Variants in CRYZL1 observed in about 807,000 individuals in gnomAD.
The protein encoded by CRYZL1 is crystallin zeta like 1.
A neutral mutation model predicts 50.6 loss-of-function variants in CRYZL1; 34 were observed. The observed-to-expected ratio is 0.67, with a 90% CI of 0.51 to 0.89. CRYZL1 has a LOEUF of 0.89. CRYZL1 is among the 40% of genes least tolerant of loss of function. The pLI is 0.00. For synonymous variants in CRYZL1, 125 were observed against 134.3 expected (o/e 0.93, Z 0.48); for missense variants, 354 against 402.3 (o/e 0.88, Z 1.03).
At chr21:33,601,609 T>A (rs1174355301) in intron 8 of CRYZL1, among the ~76,000 whole-genome samples, 1 of 152,110 alleles carries the variant, frequency 6.6e-6, no homozygotes, top group African/African-American at 2.4e-5. Flanking sequence ...ATAATTAAAA[T>A]TAAAACTATC....
rs901265958 is a variant in CRYZL1, at chr21:33,606,568, G to A, written c.332-3031C>T. 2.0e-5 allele frequency among the ~76,000 whole-genome samples: 3 copies of A among 151,952 alleles called. No individual in the cohort carries two copies. In the South Asian group the frequency reaches 6.2e-4, roughly 31 times the overall value. On this transcript the variant is annotated intron_variant, in intron 6 of 12. Coordinates refer to ENST00000381554, the MANE Select transcript of CRYZL1 (RefSeq NM_145858.3). ...TTGAACCCAGGAGATGGAGGTTGCG[G>A]TGAGCTGAGATCGCGCCATTGCACT...
chr21:33,629,631 G>A (rs186693950), intron 2 of CRYZL1, among the ~76,000 whole-genome samples: 47 of 152,312 alleles, frequency 3.1e-4, no homozygotes, highest in Admixed American at 1.8e-3. Context: ...CTGGTTTTTG[G>A]TGGAGTCTGT....
chr21:33,640,273 T>C, intron 1 of CRYZL1: 1 of 1,527,074 alleles, frequency 6.5e-7, no homozygotes, highest in Non-Finnish European at 8.8e-7. Flanking sequence ...TACCTCACTT[T>C]CAAATCTAAA....
At chr21:33,636,963 C>A (rs1288008747) in intron 1 of CRYZL1, among the ~76,000 whole-genome samples, 2 of 152,136 alleles carry the variant, frequency 1.3e-5, no homozygotes, top group Non-Finnish European at 2.9e-5. Context: ...CCCGCCACTG[C>A]GCCCGGCTAA....
intron 11 of CRYZL1, 109 bp downstream of exon 11, chr21:33,595,622 A>G (rs748618460): frequency 1.3e-6 from 2 of 1,514,164 alleles, no homozygotes; most frequent in African/African-American, 2.8e-5. Flanking sequence ...ACTGTTTGGA[A>G]TACTTAAGGA....
intron 9 of CRYZL1, among the ~76,000 whole-genome samples, chr21:33,598,709 C>T (rs952803691): frequency 6.6e-6 from 1 of 152,080 alleles, no homozygotes; most frequent in East Asian, 1.9e-4. Context: ...CTAATGTCTA[C>T]ACCAAGCTTG....
At chr21:33,601,139 G>A (rs1434129833) in intron 8 of CRYZL1, among the ~76,000 whole-genome samples, 1 of 147,512 alleles carries the variant, frequency 6.8e-6, no homozygotes, top group African/African-American at 2.5e-5. Flanking sequence ...GTTTCATCAC[G>A]TTGGCCAGGC....
intron 1 of CRYZL1, among the ~76,000 whole-genome samples, chr21:33,632,178 A>AG (rs2087145762): frequency 6.6e-6 from 1 of 150,800 alleles, no homozygotes; most frequent in East Asian, 2.0e-4. Context: ...AAAAAAAAAA[A>AG]AAAATTAGCC....
chr21:33,603,325 G>A, intron 7 of CRYZL1, 79 bp downstream of exon 7: 1 of 1,529,512 alleles, frequency 6.5e-7, no homozygotes, highest in Admixed American at 1.8e-5. Flanking sequence ...AATTATATTA[G>A]CAAATGGATG....
chr21:33,619,451 G>A (rs1164108145), intron 4 of CRYZL1, among the ~76,000 whole-genome samples: 1 of 152,228 alleles, frequency 6.6e-6, no homozygotes, highest in African/African-American at 2.4e-5. Flanking sequence ...TCTGGCCCTT[G>A]CCTATCCTCC....
At chr21:33,604,250 A>G (rs2086787663) in intron 6 of CRYZL1, among the ~76,000 whole-genome samples, 1 of 149,592 alleles carries the variant, frequency 6.7e-6, no homozygotes, top group South Asian at 2.1e-4. Context: ...AGCTACTCGG[A>G]GAGGCTGAGG....
At chr21:33,594,924 T>G (rs1355568626) in intron 11 of CRYZL1, 1 of 157,566 alleles carries the variant, frequency 6.3e-6, no homozygotes, top group Non-Finnish European at 1.4e-5. Context: ...CGTATGATAT[T>G]CAGTAGAGAG....
At position 33,615,505 on chromosome 21, in the gene CRYZL1, G is replaced by A. The variant is rs147314962; in HGVS notation, c.262+1201C>T. Among the ~76,000 whole-genome samples, 526 of 152,102 alleles carry A rather than the reference G, an allele frequency of 3.5e-3. 3 individuals are homozygous for A. Among genetic ancestry groups the A allele is most frequent in the African/African-American group, 0.012 (499 of 41,510 alleles). On this transcript the variant is annotated intron_variant, in intron 5 of 12. Transcript: ENST00000381554. ...TTATATAAATGTTTTCTAACTTTAT[G>A]TCTTCCACAGAGAAATGAAAATTTC...
chr21:33,618,872 C>G (rs2086965066), intron 4 of CRYZL1, among the ~76,000 whole-genome samples: 1 of 152,080 alleles, frequency 6.6e-6, no homozygotes, highest in African/African-American at 2.4e-5. Context: ...CAGTGCATTC[C>G]AAAGGGTTCT....
At chr21:33,607,668 GAC>G (rs1280305141) in intron 6 of CRYZL1, among the ~76,000 whole-genome samples, 9 of 151,844 alleles carry the variant, frequency 5.9e-5, no homozygotes, top group Non-Finnish European at 1.3e-4. Flanking sequence ...AAACACCAAA[GAC>G]AAATTAAAAA....
chr21:33,613,671 T>C, intron 5 of CRYZL1, 65 bp from the exon 6 acceptor site: 1 of 1,117,238 alleles, frequency 9.0e-7, no homozygotes, highest in East Asian at 2.3e-5. Flanking sequence ...GAGAGGCCAG[T>C]ATTATTACAA....
rs1181185783 is a variant in CRYZL1 at position 33,591,154 on chromosome 21, T to A, written c.950+8A>T. Reference sequence around the variant, plus strand: ...AACAAGAACAATGATTTGGTTACTTTAGCGTACCTGAAAACACCAGTTGAT... The same window carrying A: ...AACAAGAACAATGATTTGGTTACTTAAGCGTACCTGAAAACACCAGTTGAT... On this transcript the variant is annotated splice_region_variant and intron_variant, in intron 12 of 12. Transcript: ENST00000381554. 2 of 1,597,022 alleles carry A rather than the reference T, an allele frequency of 1.3e-6. No individual in the cohort carries two copies. Among genetic ancestry groups the A allele is most frequent in the Non-Finnish European group, 1.7e-6 (2 of 1,164,338 alleles).
intron 1 of CRYZL1, among the ~76,000 whole-genome samples, chr21:33,635,623 G>A (rs1028312062): frequency 1.3e-4 from 20 of 150,766 alleles, no homozygotes; most frequent in African/African-American, 4.9e-4. Context: ...CAAAGTGCTG[G>A]GATTATAGGC....
intron 1 of CRYZL1, chr21:33,639,984 C>G (rs2087259082): frequency 1.9e-6 from 1 of 521,392 alleles, no homozygotes; most frequent in African/African-American, 2.0e-5. Flanking sequence ...CACCACCATG[C>G]CCGGCTAATT....
Sources: gnomAD v4.1 joint callset for allele counts (sites outside exome capture counted in the v4.1 genomes callset) on GRCh38, gnomAD v4.1.1 for gene constraint, MANE v1.5 for transcripts, NCBI Gene and HGNC (gene_info 2026-07-23, HGNC 2026-07-21) for gene names.